The following CNTNAP2 variants were observed in gnomAD, a reference collection of about 807,000 sequenced individuals.
CNTNAP2 encodes the protein contactin-associated protein-like 2.
Under a neutral mutation model 155.2 loss-of-function variants are expected in CNTNAP2, and 98 were observed. The observed-to-expected ratio is 0.63, with a 90% CI of 0.54 to 0.75. CNTNAP2 has a LOEUF of 0.75. CNTNAP2 is among the 30% of genes least tolerant of loss of function. The pLI is 0.00. For synonymous variants in CNTNAP2, 651 were observed against 631.2 expected (o/e 1.03, Z -0.47); for missense variants, 1,727 against 1,688.1 (o/e 1.02, Z -0.40).
At chr7:146,554,421 A>G (rs565644904) in intron 1 of CNTNAP2, among the ~76,000 whole-genome samples, 122 of 152,158 alleles carry the variant, frequency 8.0e-4, no homozygotes, top group Non-Finnish European at 1.4e-3. Context: ...TTTGGTAACT[A>G]TTTTTTTGCA....
rs116700902 is a variant in CNTNAP2, at chr7:146,855,112, A to T, written c.402+15208A>T. Among the ~76,000 whole-genome samples the T allele has an allele frequency of 9.7e-3, 1,472 of 152,270 alleles. 21 individuals carry two copies. The highest frequency in any genetic ancestry group is 0.034 in the African/African-American group (1,395 of 41,558). On this transcript the variant is annotated intron_variant, in intron 3 of 23. Coordinates refer to ENST00000361727, the MANE Select transcript of CNTNAP2 (RefSeq NM_014141.6). ...ACAAATGTAAAATGAAAAGAGAAATACAAATTAATCCTCTATGGGGATACT... is the reference window on the plus strand; with the variant it reads ...ACAAATGTAAAATGAAAAGAGAAATTCAAATTAATCCTCTATGGGGATACT...
chr7:146,901,870 C>CTTTTTTTTTTTT lies in CNTNAP2; in HGVS notation c.402+61978_402+61989dup, dbSNP rs71165048. On this transcript the variant is annotated intron_variant, in intron 3 of 23. Coordinates refer to ENST00000361727, the MANE Select transcript of CNTNAP2 (RefSeq NM_014141.6). ...TACAGTTTTTCTTGCATATATGCTC[C>CTTTTTTTTTTTT]TTTTTTTTTTTTTTTTTTTTTTTGA... Among the ~76,000 whole-genome samples, 5 of 88,222 alleles carry CTTTTTTTTTTTT rather than the reference C, an allele frequency of 5.7e-5. 1 individual carries two copies. Among genetic ancestry groups the CTTTTTTTTTTTT allele is most frequent in the African/African-American group, 8.5e-5 (2 of 23,590 alleles). The allele number at this position is 88,222 out of a possible 152,430, so 57.9% of individuals were successfully genotyped here.
intron 1 of CNTNAP2, among the ~76,000 whole-genome samples, chr7:146,529,965 AAACAACAAC>A (rs59533423): frequency 6.6e-5 from 10 of 150,634 alleles, no homozygotes; most frequent in Admixed American, 1.3e-4. Context: ...CTCCGTCTCA[AAACAACAAC>A]AACAACAACA....
chr7:146,476,366 C>T (rs1584942865), intron 1 of CNTNAP2, among the ~76,000 whole-genome samples: 2 of 152,250 alleles, frequency 1.3e-5, no homozygotes, highest in South Asian at 4.1e-4. Context: ...ACTTGTTTAT[C>T]CAAGCTGAAG....
At chr7:146,721,426 C>CTA (rs1369999765) in intron 1 of CNTNAP2, among the ~76,000 whole-genome samples, 4 of 126,154 alleles carry the variant, frequency 3.2e-5, no homozygotes, top group Non-Finnish European at 4.7e-5. Context: ...TATATACATT[C>CTA]TATATATATT....
chr7:147,874,434 G>T (rs182809743), intron 13 of CNTNAP2, among the ~76,000 whole-genome samples: 1 of 152,342 alleles, frequency 6.6e-6, no homozygotes, highest in African/African-American at 2.4e-5. Flanking sequence ...CCAAAGCTTG[G>T]GGTTTGTGCC....
chr7:148,250,391 AGGATTT>A (rs2116814548), intron 20 of CNTNAP2, among the ~76,000 whole-genome samples: 1 of 152,320 alleles, frequency 6.6e-6, no homozygotes, highest in East Asian at 1.9e-4. Flanking sequence ...TATGAGGGTT[AGGATTT>A]GGGGCTTTTT....
At chr7:148,037,659 A>AGT (rs988898813) in intron 15 of CNTNAP2, among the ~76,000 whole-genome samples, 21 of 152,120 alleles carry the variant, frequency 1.4e-4, no homozygotes, top group African/African-American at 5.1e-4. Context: ...ATTTTGAAAG[A>AGT]GAGAGAGAAG....
At chr7:146,857,756 C>T (rs1398342184) in intron 3 of CNTNAP2, among the ~76,000 whole-genome samples, 1 of 152,150 alleles carries the variant, frequency 6.6e-6, no homozygotes, top group African/African-American at 2.4e-5. Flanking sequence ...ACAGTGTTAT[C>T]TAGGACTATT....
At position 148,400,734 on chromosome 7, in the gene CNTNAP2, C is replaced by A. The variant is rs1799563913; in HGVS notation, c.3716-8657C>A. On this transcript the variant is annotated intron_variant, in intron 22 of 23. Transcript: ENST00000361727. ...CAGTGGCTCACGCCTGTAATCCAAG[C>A]ACTTTGGGAGGCTGAGGCAAGCAGA... Among the ~76,000 whole-genome samples, 9 of 152,170 alleles carry A rather than the reference C, an allele frequency of 5.9e-5. No individual in the cohort carries two copies. In the South Asian group the frequency reaches 1.9e-3, roughly 32 times the overall value.
At chr7:147,236,821 A>G (rs973902015) in intron 8 of CNTNAP2, among the ~76,000 whole-genome samples, 2 of 151,898 alleles carry the variant, frequency 1.3e-5, no homozygotes, top group Non-Finnish European at 2.9e-5. Context: ...TCCACTTCCT[A>G]AAATCCTCCC....
At chr7:147,204,267 A>G (rs1293347955) in intron 8 of CNTNAP2, among the ~76,000 whole-genome samples, 2 of 152,074 alleles carry the variant, frequency 1.3e-5, no homozygotes, top group African/African-American at 4.8e-5. Flanking sequence ...AATAGCATCA[A>G]TCAATAAAAT....
intron 10 of CNTNAP2, among the ~76,000 whole-genome samples, chr7:147,478,304 C>T (rs775227722): frequency 1.8e-4 from 27 of 152,004 alleles, no homozygotes; most frequent in Non-Finnish European, 3.5e-4. Context: ...AGGCACCCAC[C>T]ACCACAGCCA....
intron 1 of CNTNAP2, among the ~76,000 whole-genome samples, chr7:146,662,789 A>C (rs1800115388): frequency 6.6e-6 from 1 of 152,144 alleles, no homozygotes; most frequent in Admixed American, 6.5e-5. Flanking sequence ...CTTTTTCTGC[A>C]TATGCATATG....
At chr7:146,881,412 G>A (rs1795547901) in intron 3 of CNTNAP2, among the ~76,000 whole-genome samples, 1 of 152,032 alleles carries the variant, frequency 6.6e-6, no homozygotes, top group Non-Finnish European at 1.5e-5. Flanking sequence ...TGGAAACCCA[G>A]ACATCATAAG....
chr7:146,585,972 T>C (rs1193544790), intron 1 of CNTNAP2, among the ~76,000 whole-genome samples: 3 of 151,634 alleles, frequency 2.0e-5, no homozygotes, highest in Non-Finnish European at 4.4e-5. Context: ...GCCACTGAAC[T>C]CCAGCCTGGG....
At chr7:146,483,951 C>A (rs1797018125) in intron 1 of CNTNAP2, among the ~76,000 whole-genome samples, 1 of 152,266 alleles carries the variant, frequency 6.6e-6, no homozygotes, top group Admixed American at 6.5e-5. Context: ...TCAGCCTTCA[C>A]ATTCACCCAC....
chr7:148,405,420 A>ATTTTTTTTTTTTTTTTTTTTTTTTT lies in CNTNAP2; in HGVS notation c.3716-3969_3716-3945dup, dbSNP rs36020816. ...TCAAGGGAACCAGATTACCATTGTA[A>ATTTTTTTTTTTTTTTTTTTTTTTTT]TTTTTTTTTTTTTTTTTTTTTTTTT... On this transcript the variant is annotated intron_variant, in intron 22 of 23. Transcript: ENST00000361727. 2.2e-4 allele frequency among the ~76,000 whole-genome samples: 14 copies of ATTTTTTTTTTTTTTTTTTTTTTTTT among 64,308 alleles called. 4 individuals are homozygous for ATTTTTTTTTTTTTTTTTTTTTTTTT. Among genetic ancestry groups the ATTTTTTTTTTTTTTTTTTTTTTTTT allele is most frequent in the African/African-American group, 3.2e-4 (4 of 12,654 alleles). The allele number at this position is 64,308 out of a possible 152,430, so 42.2% of individuals were successfully genotyped here.
rs115726864 is a variant in CNTNAP2 at position 147,454,471 on chromosome 7, T to C, written c.1671-31464T>C. Among the ~76,000 whole-genome samples, 1,300 of 152,276 alleles carry C rather than the reference T, an allele frequency of 8.5e-3. 21 individuals are homozygous for C. Among genetic ancestry groups the C allele is most frequent in the African/African-American group, 0.03 (1,240 of 41,564 alleles). ...ATTACAGTTTGGGATATATATTCAG[T>C]ATATCATTTTATATTTGACCAAAAT... On this transcript the variant is annotated intron_variant, in intron 10 of 23. Coordinates refer to ENST00000361727, the MANE Select transcript of CNTNAP2 (RefSeq NM_014141.6).
Sources: allele counts gnomAD v4.1 joint callset (sites outside exome capture counted in the v4.1 genomes callset), GRCh38; gene constraint gnomAD v4.1.1; transcripts MANE v1.5; gene names NCBI Gene and HGNC (gene_info 2026-07-23, HGNC 2026-07-21).